Variants in SCAPER observed in about 807,000 individuals in gnomAD.
SCAPER encodes S phase cyclin A-associated protein in the endoplasmic reticulum.
In SCAPER, 98 loss-of-function variants were observed where a neutral mutation model predicts 182.2. That is an observed-to-expected ratio of 0.54 (90% CI 0.46 to 0.64). The LOEUF (loss-of-function observed/expected upper bound fraction) is 0.64. Among genes scored for constraint, SCAPER ranks in the 30% least tolerant of loss-of-function variants. SCAPER has a pLI of 0.00. For missense variants in SCAPER, 1,432 were observed against 1,690.0 expected (o/e 0.85, Z 2.68); for synonymous variants, 605 against 564.6 (o/e 1.07, Z -1.01).
chr15:76,687,701 T>G (rs2058109393), intron 20 of SCAPER, among the ~76,000 whole-genome samples: 1 of 152,240 alleles, frequency 6.6e-6, no homozygotes. Context: ...TTTGGTTTTC[T>G]GTTCTTGTGT....
At chr15:76,549,529 T>C (rs981029584) in intron 23 of SCAPER, among the ~76,000 whole-genome samples, 4 of 151,886 alleles carry the variant, frequency 2.6e-5, no homozygotes, top group African/African-American at 7.3e-5. Context: ...TTGTCACTCA[T>C]AGGTGGGAAC....
intron 17 of SCAPER, among the ~76,000 whole-genome samples, chr15:76,715,776 G>C (rs991596503): frequency 3.3e-5 from 5 of 152,086 alleles, no homozygotes; most frequent in Admixed American, 2.0e-4. Flanking sequence ...TCATGCCAGT[G>C]CCTCACCCTG....
chr15:76,679,095 A>C (rs530415708), intron 20 of SCAPER, among the ~76,000 whole-genome samples: 1 of 152,328 alleles, frequency 6.6e-6, no homozygotes, highest in South Asian at 2.1e-4. Flanking sequence ...GGCATTAGGC[A>C]TATCAAATAA....
chr15:76,516,368 C>T (rs2042421138), intron 23 of SCAPER, among the ~76,000 whole-genome samples: 1 of 150,558 alleles, frequency 6.6e-6, no homozygotes, highest in African/African-American at 2.5e-5. Context: ...CTAGCACCAC[C>T]CCCCACCCCA....
At chr15:76,525,488 TA>T (rs1209832126) in intron 23 of SCAPER, among the ~76,000 whole-genome samples, 2 of 152,202 alleles carry the variant, frequency 1.3e-5, no homozygotes, top group Admixed American at 6.5e-5. Flanking sequence ...GTGAGCACAG[TA>T]CCCAACAGGT....
chr15:76,591,849 C>T (rs920684096), intron 22 of SCAPER, among the ~76,000 whole-genome samples: 1 of 152,180 alleles, frequency 6.6e-6, no homozygotes, highest in Admixed American at 6.5e-5. Flanking sequence ...TGCTTTACCT[C>T]AGCAGTTTGA....
intron 23 of SCAPER, among the ~76,000 whole-genome samples, chr15:76,555,861 C>T (rs1321777045): frequency 6.6e-6 from 1 of 152,136 alleles, no homozygotes; most frequent in Non-Finnish European, 1.5e-5. Context: ...GTAACTTGAT[C>T]TCAACATTTG....
rs1410056391 is a variant in SCAPER, at chr15:76,601,056, A to C, written c.2711+20708T>G. On this transcript the variant is annotated intron_variant, in intron 22 of 31. Transcript: ENST00000563290. ...GAAAAAATGTATTGAGAATTAAAGA[A>C]AATGTTAATGTGGATACACAGAATA... Among the ~76,000 whole-genome samples the C allele has an allele frequency of 9.8e-5, 12 of 122,324 alleles. 4 individuals are homozygous for C. Among genetic ancestry groups the C allele is most frequent in the Non-Finnish European group, 2.4e-4 (12 of 50,312 alleles). The allele number at this position is 122,324 out of a possible 152,430, so 80.2% of individuals were successfully genotyped here. A position where few individuals can be genotyped will look rare whatever the true frequency, so the allele number is the denominator to read the frequency against.
chr15:76,594,123 A>G lies in SCAPER; in HGVS notation c.2712-19839T>C, dbSNP rs1451068390. ...CTAACTAGAATAACCAGTTTAGAGA[A>G]GAACATAAATGATCTGATGGAGCTG... On this transcript the variant is annotated intron_variant, in intron 22 of 31. Coordinates refer to ENST00000563290, the MANE Select transcript of SCAPER (RefSeq NM_020843.4). 1.2e-4 allele frequency among the ~76,000 whole-genome samples: 14 copies of G among 120,356 alleles called. 6 individuals carry two copies. The highest frequency in any genetic ancestry group is 4.5e-4 in the East Asian group (2 of 4,462). The allele number at this position is 120,356 out of a possible 152,430, so 79.0% of individuals were successfully genotyped here. A position where few individuals can be genotyped will look rare whatever the true frequency, so the allele number is the denominator to read the frequency against.
At chr15:76,361,185 G>A (rs921115226) in intron 29 of SCAPER, among the ~76,000 whole-genome samples, 13 of 152,152 alleles carry the variant, frequency 8.5e-5, no homozygotes, top group African/African-American at 2.2e-4. Flanking sequence ...GAGGGCCCAT[G>A]GAGAGTCTAT....
chr15:76,375,398 G>A (rs1334965775), intron 29 of SCAPER, among the ~76,000 whole-genome samples: 1 of 151,760 alleles, frequency 6.6e-6, no homozygotes, highest in African/African-American at 2.4e-5. Context: ...AACACCAAAG[G>A]AAGGCTCTAA....
Position 76,767,772 on chromosome 15 carries a change from C to T in SCAPER, c.1249-684G>A, listed in dbSNP as rs576149541. Reference sequence around the variant, plus strand: ...AATGGTGGATTTAAACAAACTATGTCAATAATTATATTACATGTAAATGTT... The same window carrying T: ...AATGGTGGATTTAAACAAACTATGTTAATAATTATATTACATGTAAATGTT... On this transcript the variant is annotated intron_variant, in intron 10 of 31. Transcript: ENST00000563290. 4.0e-5 allele frequency among the ~76,000 whole-genome samples: 6 copies of T among 151,822 alleles called. 1 individual carries two copies. Among genetic ancestry groups the T allele is most frequent in the African/African-American group, 1.4e-4 (6 of 41,452 alleles).
intron 24 of SCAPER, among the ~76,000 whole-genome samples, chr15:76,473,292 G>A (rs1389240593): frequency 2.6e-5 from 4 of 152,152 alleles, no homozygotes; most frequent in African/African-American, 7.2e-5. Context: ...CACCGTTAAC[G>A]ATTATCTGCC....
chr15:76,676,396 C>T lies in SCAPER; in HGVS notation c.2509-10607G>A, dbSNP rs147047847. ...ATGGAGGTCTTTGGATACTGGTATA[C>T]CTGCCTCTGTTCTACATAGTCACAT... On this transcript the variant is annotated intron_variant, in intron 20 of 31. Coordinates refer to ENST00000563290, the MANE Select transcript of SCAPER (RefSeq NM_020843.4). Among the ~76,000 whole-genome samples, 279 of 152,308 alleles carry T rather than the reference C, an allele frequency of 1.8e-3. 2 individuals carry two copies. Among genetic ancestry groups the T allele is most frequent in the African/African-American group, 6.4e-3 (265 of 41,576 alleles).
Position 76,704,923 on chromosome 15 carries a change from C to T in SCAPER, c.2247+980G>A, listed in dbSNP as rs538291397. 5.8e-4 allele frequency among the ~76,000 whole-genome samples: 88 copies of T among 150,988 alleles called. 1 individual carries two copies. Among genetic ancestry groups the T allele is most frequent in the South Asian group, 3.6e-3 (17 of 4,778 alleles). Reference sequence around the variant, plus strand: ...AGGTGCTGGAGAGGATGTGGAGAAACAGGAACACTTTTACACTGTTGGTGG... The same window carrying T: ...AGGTGCTGGAGAGGATGTGGAGAAATAGGAACACTTTTACACTGTTGGTGG... On this transcript the variant is annotated intron_variant, in intron 18 of 31. Coordinates refer to ENST00000563290, the MANE Select transcript of SCAPER (RefSeq NM_020843.4).
chr15:76,492,067 A>C (rs2052374142), intron 24 of SCAPER, among the ~76,000 whole-genome samples: 2 of 152,342 alleles, frequency 1.3e-5, no homozygotes, highest in African/African-American at 4.8e-5. Flanking sequence ...TGAAGTGTCT[A>C]TTCAAATCTT....
chr15:76,448,489 G>C (rs2048157962), intron 25 of SCAPER, among the ~76,000 whole-genome samples: 1 of 152,122 alleles, frequency 6.6e-6, no homozygotes, highest in South Asian at 2.1e-4. Context: ...TTCTGGGCAT[G>C]CTAAGTTTCA....
chr15:76,622,416 G>GA (rs888301575), intron 21 of SCAPER, among the ~76,000 whole-genome samples: 35 of 145,534 alleles, frequency 2.4e-4, no homozygotes, highest in African/African-American at 5.8e-4. Flanking sequence ...AATGACAGGT[G>GA]AAAAAAAAAA....
chr15:76,500,578 C>T (rs1001808146), intron 24 of SCAPER, among the ~76,000 whole-genome samples: 1 of 151,972 alleles, frequency 6.6e-6, no homozygotes, highest in East Asian at 1.9e-4. Flanking sequence ...ACTGGCAACA[C>T]AAAGTTTTGG....
Sources: gnomAD v4.1 joint callset for allele counts (sites outside exome capture counted in the v4.1 genomes callset) on GRCh38, gnomAD v4.1.1 for gene constraint, MANE v1.5 for transcripts, NCBI Gene and HGNC (gene_info 2026-07-23, HGNC 2026-07-21) for gene names.